Variants in AGBL1 observed in about 807,000 individuals in gnomAD.
The protein encoded by AGBL1 is cytosolic carboxypeptidase 4.
Under a neutral mutation model 118.9 loss-of-function variants are expected in AGBL1, and 130 were observed. The observed-to-expected ratio is 1.09, with a 90% CI of 0.95 to 1.26. AGBL1 has a LOEUF of 1.26. Ranked by LOEUF, AGBL1 falls within the 50% of genes most tolerant of loss-of-function variation. The probability of loss-of-function intolerance (pLI) is 0.00; values close to 1 mark genes in which losing one functional copy is unlikely to be tolerated. For synonymous variants in AGBL1, 555 were observed against 478.9 expected (o/e 1.16, Z -2.08); for missense variants, 1,584 against 1,298.1 (o/e 1.22, Z -3.38).
At chr15:86,479,028 A>G (rs1373526807) in intron 18 of AGBL1, among the ~76,000 whole-genome samples, 1 of 152,248 alleles carries the variant, frequency 6.6e-6, no homozygotes, top group Admixed American at 6.5e-5. Flanking sequence ...CTGGCTAGCC[A>G]CATGTAGAAA....
intron 22 of AGBL1, among the ~76,000 whole-genome samples, chr15:86,701,584 A>G (rs1175898251): frequency 2.0e-5 from 3 of 152,064 alleles, no homozygotes; most frequent in African/African-American, 7.2e-5. Context: ...AGATTAGGAA[A>G]AGAAAGCAGT....
intron 10 of AGBL1, among the ~76,000 whole-genome samples, chr15:86,263,355 G>A (rs767234347): frequency 2.6e-4 from 40 of 152,282 alleles, no homozygotes; most frequent in Non-Finnish European, 4.4e-4. Flanking sequence ...TAGGTACACC[G>A]TAGGCTAAAC....
rs2080335423 is a variant in AGBL1, at chr15:86,910,502, A to C, written c.*3208A>C. 1 of 152,122 alleles carries C rather than the reference A, an allele frequency of 6.6e-6. No individual in the cohort carries two copies. Among genetic ancestry groups the C allele is most frequent in the Non-Finnish European group, 1.5e-5 (1 of 68,026 alleles). The allele number at this position is 152,122 out of a possible 1,614,324, so 9.4% of individuals were successfully genotyped here. Reference sequence around the variant, plus strand: ...CATGCCCGTGACTGATATCAGCGCCATTTTTCCCTTGTTTATGGCTGAGGG... The same window carrying C: ...CATGCCCGTGACTGATATCAGCGCCCTTTTTCCCTTGTTTATGGCTGAGGG... On this transcript the variant is annotated 3_prime_UTR_variant, in exon 23 of 23. Transcript: ENST00000614907.
chr15:86,697,832 T>G (rs541262478), intron 22 of AGBL1, among the ~76,000 whole-genome samples: 1 of 152,072 alleles, frequency 6.6e-6, no homozygotes, highest in African/African-American at 2.4e-5. Context: ...TCCTGAGAGC[T>G]TAACTGTAGT....
At chr15:86,802,770 T>G (rs2078667982) in intron 22 of AGBL1, among the ~76,000 whole-genome samples, 1 of 152,140 alleles carries the variant, frequency 6.6e-6, no homozygotes. Context: ...GAGCTATAAG[T>G]ATTTGTGGTC....
At chr15:86,540,277 GAATC>G (rs2083476465) in intron 19 of AGBL1, among the ~76,000 whole-genome samples, 1 of 152,118 alleles carries the variant, frequency 6.6e-6, no homozygotes, top group South Asian at 2.1e-4. Context: ...AATATTTGTT[GAATC>G]AATTGATAAA....
At chr15:86,536,134 A>G (rs1337151722) in intron 19 of AGBL1, among the ~76,000 whole-genome samples, 1 of 152,192 alleles carries the variant, frequency 6.6e-6, no homozygotes, top group African/African-American at 2.4e-5. Flanking sequence ...CTTCTTTACC[A>G]TACCAGAAAC....
At chr15:86,653,459 A>C (rs1470164982) in intron 21 of AGBL1, among the ~76,000 whole-genome samples, 1 of 152,124 alleles carries the variant, frequency 6.6e-6, no homozygotes, top group Non-Finnish European at 1.5e-5. Flanking sequence ...CGCCACCAAT[A>C]ATCCAATAAA....
intron 21 of AGBL1, chr15:86,630,833 G>A (rs1309755880): frequency 1.3e-5 from 2 of 152,236 alleles, no homozygotes; most frequent in Non-Finnish European, 2.9e-5. Context: ...AAATGTAGAG[G>A]TAAGTAAAAG....
At chr15:86,173,006 G>C (rs1282167478) in intron 5 of AGBL1, among the ~76,000 whole-genome samples, 1 of 151,800 alleles carries the variant, frequency 6.6e-6, no homozygotes, top group African/African-American at 2.4e-5. Flanking sequence ...ATCCTTGCCA[G>C]CATCTGTTAT....
chr15:86,681,984 A>G (rs1044204343), intron 22 of AGBL1, among the ~76,000 whole-genome samples: 1 of 152,202 alleles, frequency 6.6e-6, no homozygotes, highest in African/African-American at 2.4e-5. Context: ...TAGAATCTTC[A>G]GTTTCAAGTT....
intron 17 of AGBL1, among the ~76,000 whole-genome samples, chr15:86,391,353 A>T (rs144816080): frequency 2.8e-4 from 43 of 152,274 alleles, no homozygotes; most frequent in African/African-American, 1.0e-3. Flanking sequence ...TGGAAAACGT[A>T]GCATGTGTCT....
chr15:86,277,433 A>G (rs529350347), intron 15 of AGBL1, among the ~76,000 whole-genome samples: 95 of 152,178 alleles, frequency 6.2e-4, no homozygotes, highest in Non-Finnish European at 1.1e-3. Flanking sequence ...TGGAAGCTCA[A>G]GAGCTAAGGA....
intron 22 of AGBL1, among the ~76,000 whole-genome samples, chr15:86,733,788 C>T (rs1049427435): frequency 5.3e-5 from 8 of 152,082 alleles, no homozygotes; most frequent in African/African-American, 1.9e-4. Flanking sequence ...CAGGAATTGG[C>T]AAATGTAGTA....
At chr15:86,457,316 A>T (rs1004193778) in intron 18 of AGBL1, among the ~76,000 whole-genome samples, 1 of 152,184 alleles carries the variant, frequency 6.6e-6, no homozygotes, top group African/African-American at 2.4e-5. Context: ...TTTGGTTTGC[A>T]ATCAGGCTAT....
intron 21 of AGBL1, among the ~76,000 whole-genome samples, chr15:86,652,822 G>T (rs947398503): frequency 2.0e-5 from 3 of 152,068 alleles, no homozygotes; most frequent in African/African-American, 7.2e-5. Context: ...GAGAAATTTT[G>T]CCCCCTTTTC....
intron 22 of AGBL1, among the ~76,000 whole-genome samples, chr15:86,895,935 T>C (rs2080119564): frequency 6.6e-6 from 1 of 152,070 alleles, no homozygotes; most frequent in Admixed American, 6.6e-5. Context: ...TTCTTGAAGA[T>C]GATCATCTTT....
intron 23 of AGBL1, among the ~76,000 whole-genome samples, chr15:86,962,964 CAT>C (rs1287874408): frequency 6.6e-6 from 1 of 152,036 alleles, no homozygotes. Context: ...AAACTAGAAA[CAT>C]GTAATTAAGG....
chr15:86,974,138 T>G (rs1446829220), intron 23 of AGBL1, among the ~76,000 whole-genome samples: 1 of 15,416 alleles, frequency 6.5e-5, no homozygotes, highest in African/African-American at 3.0e-4. Flanking sequence ...TTTTAATATA[T>G]TAAATATAAA....
Sources: allele counts gnomAD v4.1 joint callset (sites outside exome capture counted in the v4.1 genomes callset), GRCh38; gene constraint gnomAD v4.1.1; transcripts MANE v1.5; gene names NCBI Gene and HGNC (gene_info 2026-07-23, HGNC 2026-07-21).